The following GRIN2B variants were observed in gnomAD, a reference collection of about 807,000 sequenced individuals.
GRIN2B encodes the protein glutamate ionotropic receptor NMDA type subunit 2B, also known as glutamate receptor ionotropic, NMDA 2B.
GRIN2B carries 5 observed loss-of-function variants against 114.5 expected under a neutral mutation model. The ratio of observed to expected loss-of-function variants is 0.04; its 90% confidence interval spans 0.02 to 0.09. The LOEUF (loss-of-function observed/expected upper bound fraction) is 0.09. Among genes scored for constraint, GRIN2B ranks in the 10% least tolerant of loss-of-function variants. GRIN2B has a pLI of 1.00. For synonymous variants in GRIN2B, 787 were observed against 745.1 expected, an observed-to-expected ratio of 1.06 and a Z score of -0.92; for missense variants, 1,108 against 1,943.5, an observed-to-expected ratio of 0.57 and a Z score of 8.08.
chr12:13,709,613 T>C (rs1320669857), intron 4 of GRIN2B, among the ~76,000 whole-genome samples: 1 of 151,970 alleles, frequency 6.6e-6, no homozygotes, highest in African/African-American at 2.4e-5. Context: ...GTAACAAGTA[T>C]AGCTGAGCAG....
chr12:13,953,993 T>G (rs1299857931), intron 2 of GRIN2B, among the ~76,000 whole-genome samples: 5 of 152,218 alleles, frequency 3.3e-5, no homozygotes, highest in African/African-American at 1.2e-4. Flanking sequence ...TTGAAAAGCA[T>G]GTAGACTATT....
intron 2 of GRIN2B, among the ~76,000 whole-genome samples, chr12:13,896,803 C>T (rs1045343115): frequency 1.3e-5 from 2 of 152,112 alleles, no homozygotes; most frequent in Non-Finnish European, 2.9e-5. Flanking sequence ...CAAGCACTAC[C>T]GACAGAGCTA....
intron 4 of GRIN2B, among the ~76,000 whole-genome samples, chr12:13,730,400 C>CT (rs56762958): frequency 1.1e-4 from 17 of 152,270 alleles, no homozygotes; most frequent in Non-Finnish European, 2.2e-4. Flanking sequence ...TTTTGGTACT[C>CT]TTTGTTCCAG....
rs1468691478 is a variant in GRIN2B at position 13,547,142 on chromosome 12, T to C, written c.*15641A>G. ...GTTTAAGGGATATATCCCATTTTCA[T>C]AGGAAAGGAAAGTCGGGGAGGGGAG... On this transcript the variant is annotated 3_prime_UTR_variant, in exon 14 of 14. Transcript: ENST00000609686. 6.6e-6 allele frequency: 1 copy of C among 152,052 alleles called. No homozygotes were observed. The highest frequency in any genetic ancestry group is 2.4e-5 in the African/African-American group (1 of 41,374). 9.4% of individuals were successfully genotyped at this position (152,052 alleles called of 1,614,324 possible).
At chr12:13,634,602 A>G (rs1025484322) in intron 5 of GRIN2B, among the ~76,000 whole-genome samples, 1 of 152,156 alleles carries the variant, frequency 6.6e-6, no homozygotes, top group Non-Finnish European at 1.5e-5. Flanking sequence ...ACTTCTGCCC[A>G]TATTATGTTG....
At chr12:13,631,874 T>G (rs907669599) in intron 5 of GRIN2B, among the ~76,000 whole-genome samples, 1 of 152,144 alleles carries the variant, frequency 6.6e-6, no homozygotes, top group Non-Finnish European at 1.5e-5. Flanking sequence ...AAAACGCCTG[T>G]TTACAAACAT....
At chr12:13,740,722 T>A (rs1243122771) in intron 4 of GRIN2B, among the ~76,000 whole-genome samples, 1 of 152,334 alleles carries the variant, frequency 6.6e-6, no homozygotes, top group Non-Finnish European at 1.5e-5. Context: ...CTCCACCCGC[T>A]TCAGTTCCAA....
chr12:13,588,620 G>C (rs1319494302), intron 10 of GRIN2B, among the ~76,000 whole-genome samples: 2 of 152,226 alleles, frequency 1.3e-5, no homozygotes, highest in Non-Finnish European at 2.9e-5. Context: ...AGAAGGGACA[G>C]GAACAGGCTT....
At chr12:13,719,292 T>C (rs1426663151) in intron 4 of GRIN2B, among the ~76,000 whole-genome samples, 1 of 152,052 alleles carries the variant, frequency 6.6e-6, no homozygotes, top group Non-Finnish European at 1.5e-5. Context: ...TCTTGTTGGC[T>C]TTTTCCCAGT....
intron 4 of GRIN2B, among the ~76,000 whole-genome samples, chr12:13,689,653 T>C (rs1168364628): frequency 1.3e-5 from 2 of 152,164 alleles, no homozygotes; most frequent in African/African-American, 4.8e-5. Flanking sequence ...TGAGATTTCT[T>C]AGTGCCACAT....
In GRIN2B at chr12:13,541,383, A is replaced by C. The variant is rs989976588; in HGVS notation, c.*21400T>G. 23 of 152,236 alleles carry C rather than the reference A, an allele frequency of 1.5e-4. No homozygotes were observed. The highest frequency in any genetic ancestry group is 4.8e-4 in the African/African-American group (20 of 41,464). The allele number at this position is 152,236 out of a possible 1,614,324, so 9.4% of individuals were successfully genotyped here. ...ACCCCATTAACCAGGGGTGGGAGCCAGTCTGAAGGAGGGGAGATCTGAGGC... is the reference window on the plus strand; with the variant it reads ...ACCCCATTAACCAGGGGTGGGAGCCCGTCTGAAGGAGGGGAGATCTGAGGC... On this transcript the variant is annotated 3_prime_UTR_variant, in exon 14 of 14. Transcript: ENST00000609686.
chr12:13,866,803 C>G (rs1456191748), intron 2 of GRIN2B, among the ~76,000 whole-genome samples: 1 of 152,208 alleles, frequency 6.6e-6, no homozygotes, highest in Non-Finnish European at 1.5e-5. Flanking sequence ...TATTAAACTA[C>G]AAGAACAACT....
chr12:13,766,425 T>A (rs1165446795), intron 3 of GRIN2B, among the ~76,000 whole-genome samples: 1 of 152,180 alleles, frequency 6.6e-6, no homozygotes, highest in South Asian at 2.1e-4. Context: ...AAAGTAAACA[T>A]CCATGTGCAT....
At chr12:13,833,681 C>G (rs1394266869) in intron 3 of GRIN2B, among the ~76,000 whole-genome samples, 2 of 152,172 alleles carry the variant, frequency 1.3e-5, no homozygotes, top group East Asian at 3.8e-4. Context: ...TAGAAACAAA[C>G]AACATCCTTG....
At chr12:13,930,651 G>A (rs910725473) in intron 2 of GRIN2B, among the ~76,000 whole-genome samples, 1 of 152,182 alleles carries the variant, frequency 6.6e-6, no homozygotes, top group South Asian at 2.1e-4. Context: ...AATGTATGAA[G>A]CAGGTAACCT....
rs1948358974 is a variant in GRIN2B, at chr12:13,547,576, T to C, written c.*15207A>G. 6.6e-6 allele frequency: 1 copy of C among 152,040 alleles called. No homozygotes were observed. The highest frequency in any genetic ancestry group is 1.5e-5 in the Non-Finnish European group (1 of 67,984). 9.4% of individuals were successfully genotyped at this position (152,040 alleles called of 1,614,324 possible). A position where few individuals can be genotyped will look rare whatever the true frequency, so the allele number is the denominator to read the frequency against. On this transcript the variant is annotated 3_prime_UTR_variant, in exon 14 of 14. Coordinates refer to ENST00000609686, the MANE Select transcript of GRIN2B (RefSeq NM_000834.5). Reference sequence around the variant, plus strand: ...TTTCACCATTATGTAACAAAGAGAATAAAAAAGAAAGGAAAGGAGAAAACA... The same window carrying C: ...TTTCACCATTATGTAACAAAGAGAACAAAAAAGAAAGGAAAGGAGAAAACA...
chr12:13,569,559 G>A (rs570975005), intron 12 of GRIN2B, among the ~76,000 whole-genome samples: 26 of 152,260 alleles, frequency 1.7e-4, no homozygotes, highest in South Asian at 6.2e-4. Context: ...TGCAGACCCC[G>A]GAAGAGATTG....
At chr12:13,862,361 G>A (rs146620852) in intron 3 of GRIN2B, among the ~76,000 whole-genome samples, 97 of 152,226 alleles carry the variant, frequency 6.4e-4, no homozygotes, top group Middle Eastern at 3.4e-3. Context: ...ATCCACAAGA[G>A]CACTTAATAA....
In GRIN2B at chr12:13,567,079, A is replaced by G. The variant is rs1352130328; in HGVS notation, c.2544T>C (p.His848=). The part of the protein sequence containing the change: ...CEHLFYWQFR[H]CFMGVCSGKP... ...TGCCAGAACAGACACCCATAAAGCA[A>G]TGTCGGAACTGCCAATAGAAAAGGT... is the stretch of plus-strand genomic sequence containing the variant. Residue 848 remains histidine (H), a synonymous_variant, in exon 13 of 14, where the codon CAT becomes CAC. Transcript: ENST00000609686. The G allele has an allele frequency of 1.2e-6, 2 of 1,614,108 alleles. No homozygotes were observed. Among genetic ancestry groups the G allele is most frequent in the East Asian group, 2.2e-5 (1 of 44,902 alleles).
Sources: gnomAD v4.1 joint callset for allele counts (sites outside exome capture counted in the v4.1 genomes callset) on GRCh38, gnomAD v4.1.1 for gene constraint, MANE v1.5 for transcripts, NCBI Gene and HGNC (gene_info 2026-07-23, HGNC 2026-07-21) for gene names.